AFTPH: variants seen among roughly 807,000 people sequenced by gnomAD.
AFTPH encodes aftiphilin.
A neutral mutation model predicts 72.5 loss-of-function variants in AFTPH; 7 were observed. The ratio of observed to expected loss-of-function variants is 0.10; its 90% CI spans 0.05 to 0.18. The LOEUF (loss-of-function observed/expected upper bound fraction) is 0.18, where lower values mean the gene tolerates loss of function less well. Among genes scored for constraint, AFTPH ranks in the 10% least tolerant of loss-of-function variants. The probability of loss-of-function intolerance (pLI) is 1.00; values close to 1 mark genes in which losing one functional copy is unlikely to be tolerated. For synonymous variants in AFTPH, 337 were observed against 370.1 expected, an observed-to-expected ratio of 0.91 and a Z score of 1.03; for missense variants, 979 against 1,060.5, an observed-to-expected ratio of 0.92 and a Z score of 1.07.
At chr2:64,569,269 T>A (rs766213691) in intron 4 of AFTPH, 51 bp downstream of exon 4, 1 of 1,560,172 alleles carries the variant, frequency 6.4e-7, no homozygotes, top group East Asian at 2.3e-5. Context: ...GTGGATGTTT[T>A]AAAATTCTGT....
chr2:64,525,090 G>A (rs1269408751), intron 1 of AFTPH, among the ~76,000 whole-genome samples: 1 of 152,198 alleles, frequency 6.6e-6, no homozygotes, highest in Non-Finnish European at 1.5e-5. Context: ...TGCTTCCAAG[G>A]GTCTCTGAAG....
chr2:64,573,432 TAA>T (rs57001495), intron 6 of AFTPH, among the ~76,000 whole-genome samples: 44 of 140,438 alleles, frequency 3.1e-4, no homozygotes, highest in Admixed American at 3.5e-4. Context: ...GTGCTGGGTT[TAA>T]AAAAAAAAAA....
chr2:64,569,122 G>C (rs1254853269), exon 4 of AFTPH: 1 of 1,614,100 alleles, frequency 6.2e-7, no homozygotes, highest in Non-Finnish European at 8.5e-7. Flanking sequence ...CTGAGCTACA[G>C]GATATCCATG....
chr2:64,555,591 A>ACACG (rs1344046956), intron 2 of AFTPH, among the ~76,000 whole-genome samples: 1 of 151,598 alleles, frequency 6.6e-6, no homozygotes, highest in Non-Finnish European at 1.5e-5. Context: ...ACACACACAC[A>ACACG]CACACACAAG....
Position 64,547,450 on chromosome 2 carries a change from A to G in AFTPH, c.-32-3993A>G, listed in dbSNP as rs143843204. 1.5e-3 allele frequency among the ~76,000 whole-genome samples: 227 copies of G among 152,286 alleles called. 2 individuals are homozygous for G. Among genetic ancestry groups the G allele is most frequent in the African/African-American group, 5.2e-3 (218 of 41,552 alleles). On this transcript the variant is annotated intron_variant, in intron 1 of 8. Coordinates refer to ENST00000238856, the Ensembl canonical transcript of AFTPH. ...GGTGGTGCATGATTTCAGTGTTCCC[A>G]TTACTGATAATGTTCATGTTGATCA...
chr2:64,544,526 A>G (rs1245112661), intron 1 of AFTPH, among the ~76,000 whole-genome samples: 3 of 152,186 alleles, frequency 2.0e-5, no homozygotes, highest in Non-Finnish European at 4.4e-5. Flanking sequence ...CGAAGGATGA[A>G]GAAACATTTG....
chr2:64,567,162 C>G (rs947122993), intron 2 of AFTPH, among the ~76,000 whole-genome samples: 1 of 152,138 alleles, frequency 6.6e-6, no homozygotes, highest in Non-Finnish European at 1.5e-5. Context: ...AAGAGACATT[C>G]CAGTGTGGTG....
At chr2:64,585,520 G>A in exon 8 of AFTPH, 2 of 1,612,370 alleles carry the variant, frequency 1.2e-6, no homozygotes, top group South Asian at 1.1e-5. Context: ...CATGTCTACA[G>A]TAGAGAAGAC....
Position 64,531,584 on chromosome 2 carries a change from A to G in AFTPH, c.-33+6972A>G, listed in dbSNP as rs532336497. Reference sequence around the variant, plus strand: ...GCAAGCTATTTAAGTATAAAAAAATACAGTACTATCTTCTAGAACTATCTT... The same window carrying G: ...GCAAGCTATTTAAGTATAAAAAAATGCAGTACTATCTTCTAGAACTATCTT... On this transcript the variant is annotated intron_variant, in intron 1 of 8. Transcript: ENST00000238856. Among the ~76,000 whole-genome samples the G allele has an allele frequency of 7.9e-4, 120 of 152,316 alleles. 1 individual carries two copies. Among genetic ancestry groups the G allele is most frequent in the African/African-American group, 2.8e-3 (117 of 41,590 alleles).
exon 2 of AFTPH, chr2:64,553,279 C>T (rs1671158649): frequency 1.2e-6 from 2 of 1,613,972 alleles, no homozygotes; most frequent in Non-Finnish European, 1.7e-6. Flanking sequence ...CGAAAGGAAG[C>T]CTGGCAGTCA....
intron 1 of AFTPH, among the ~76,000 whole-genome samples, chr2:64,530,556 A>G (rs1377433455): frequency 3.3e-5 from 5 of 152,232 alleles, no homozygotes; most frequent in Non-Finnish European, 7.3e-5. Flanking sequence ...GTAACACTCA[A>G]TAAATACATG....
exon 8 of AFTPH, chr2:64,585,492 T>A: frequency 6.2e-7 from 1 of 1,613,774 alleles, no homozygotes; most frequent in Non-Finnish European, 8.5e-7. Context: ...TCAAAGTGAC[T>A]GATGCATTTG....
intron 6 of AFTPH, among the ~76,000 whole-genome samples, chr2:64,576,803 G>A (rs1427046308): frequency 1.3e-5 from 2 of 152,048 alleles, no homozygotes; most frequent in Non-Finnish European, 1.5e-5. Context: ...CTGTTGCCCA[G>A]GCTAGAGTGC....
intron 6 of AFTPH, among the ~76,000 whole-genome samples, chr2:64,575,701 ATATG>A (rs1273645662): frequency 2.6e-5 from 3 of 115,580 alleles, no homozygotes; most frequent in African/African-American, 1.0e-4. Flanking sequence ...GTATGTGTGT[ATATG>A]TGTGTGTGTG....
intron 8 of AFTPH, among the ~76,000 whole-genome samples, chr2:64,587,397 A>T (rs1673580329): frequency 6.6e-6 from 1 of 152,260 alleles, no homozygotes; most frequent in South Asian, 2.1e-4. Flanking sequence ...GCAAGTCTTA[A>T]AATACTGTAA....
intron 1 of AFTPH, among the ~76,000 whole-genome samples, chr2:64,548,413 A>AG (rs1670798149): frequency 6.8e-6 from 1 of 147,490 alleles, no homozygotes; most frequent in African/African-American, 2.5e-5. Flanking sequence ...AAAAGAAAAA[A>AG]AAAAAAAAAA....
chr2:64,552,557 T>A, exon 2 of AFTPH: 2 of 1,614,078 alleles, frequency 1.2e-6, no homozygotes, highest in Non-Finnish European at 1.7e-6. Context: ...TTGACTTACT[T>A]ACTTCTAAAT....
chr2:64,538,435 C>A (rs1670006462), intron 1 of AFTPH, among the ~76,000 whole-genome samples: 1 of 152,164 alleles, frequency 6.6e-6, no homozygotes, highest in Non-Finnish European at 1.5e-5. Flanking sequence ...CCATTTGTGG[C>A]ATTACCTGTG....
At chr2:64,559,665 A>C (rs1403558845) in intron 2 of AFTPH, among the ~76,000 whole-genome samples, 5 of 152,148 alleles carry the variant, frequency 3.3e-5, no homozygotes, top group African/African-American at 9.7e-5. Context: ...TCTCATCTAG[A>C]AACACCCTCA....
Sources: gnomAD v4.1 joint callset for allele counts (sites outside exome capture counted in the v4.1 genomes callset) on GRCh38, gnomAD v4.1.1 for gene constraint, MANE v1.5 for transcripts, NCBI Gene and HGNC (gene_info 2026-07-23, HGNC 2026-07-21) for gene names.